The following KLB variants were observed in gnomAD, a reference collection of about 807,000 sequenced individuals.
KLB encodes the protein klotho beta.
In KLB, 44 loss-of-function variants were observed where a neutral mutation model predicts 88.4. That is an observed-to-expected ratio of 0.50 (90% CI 0.39 to 0.64). The LOEUF (loss-of-function observed/expected upper bound fraction) is 0.64, where lower values mean the gene tolerates loss of function less well. KLB is among the 30% of genes least tolerant of loss of function. KLB has a pLI of 0.00. For synonymous variants in KLB, 548 were observed against 513.4 expected, an observed-to-expected ratio of 1.07 and a Z score of -0.91; for missense variants, 1,137 against 1,304.8, an observed-to-expected ratio of 0.87 and a Z score of 1.98.
Position 39,437,890 on chromosome 4 carries a change from A to G in KLB, c.1500A>G (p.Lys500=). Residue 500 remains lysine, a synonymous_variant, in exon 3 of 5, where the codon AAA becomes AAG. Transcript: ENST00000257408. ...CTAAGTCTTCAGCACACTACTACAA[A>G]CAGATCATACGAGAAAATGGTTTTT... is the stretch of plus-strand genomic sequence containing the variant. ...RKPKSSAHYY[K]QIIRENGFSL... The G allele has an allele frequency of 1.5e-5, 24 of 1,614,166 alleles. No individual in the cohort carries two copies. The highest frequency in any genetic ancestry group is 1.9e-5 in the Non-Finnish European group (22 of 1,180,030).
chr4:39,443,389 GAAAAA>G (rs1743657417), intron 3 of KLB, among the ~76,000 whole-genome samples: 1 of 147,956 alleles, frequency 6.8e-6, no homozygotes, highest in African/African-American at 2.5e-5. Flanking sequence ...CCAAAAAAAA[GAAAAA>G]AGAAAAAAAA....
chr4:39,440,587 T>A (rs1451864402), intron 3 of KLB, among the ~76,000 whole-genome samples: 1 of 152,092 alleles, frequency 6.6e-6, no homozygotes, highest in African/African-American at 2.4e-5. Flanking sequence ...TATATTTATA[T>A]AGTTATTTAT....
Position 39,450,171 on chromosome 4 carries a change from G to C in KLB, c.*1485G>C, listed in dbSNP as rs1404427334. ...ACTTTGGGAAATGAACTCTGTTCTT[G>C]AGACTTGTTCAGTGTATTTTAAACA... On this transcript the variant is annotated 3_prime_UTR_variant, in exon 5 of 5. Coordinates refer to ENST00000257408, the MANE Select transcript of KLB (RefSeq NM_175737.4). 1 of 152,154 alleles carries C rather than the reference G, an allele frequency of 6.6e-6. No homozygotes were observed. Among genetic ancestry groups the C allele is most frequent in the Non-Finnish European group, 1.5e-5 (1 of 68,024 alleles). 9.4% of individuals were successfully genotyped at this position (152,154 alleles called of 1,614,324 possible). A position where few individuals can be genotyped will look rare whatever the true frequency, so the allele number is the denominator to read the frequency against.
At chr4:39,430,928 T>C (rs1300693664) in intron 1 of KLB, among the ~76,000 whole-genome samples, 79 of 149,622 alleles carry the variant, frequency 5.3e-4, no homozygotes, top group Middle Eastern at 3.5e-3. Context: ...TTTTTTTTTT[T>C]TCCCCTGAGT....
intron 3 of KLB, among the ~76,000 whole-genome samples, chr4:39,440,907 G>T (rs1297313909): frequency 6.6e-6 from 1 of 152,062 alleles, no homozygotes; most frequent in East Asian, 1.9e-4. Flanking sequence ...TTCCAGGCTG[G>T]AGTGCAGTGG....
intron 1 of KLB, among the ~76,000 whole-genome samples, chr4:39,418,839 T>C (rs1743016667): frequency 6.6e-6 from 1 of 151,298 alleles, no homozygotes; most frequent in South Asian, 2.1e-4. Context: ...TTCCAGCTAC[T>C]TGTGAGGCTG....
In KLB at chr4:39,447,177, G is replaced by T. The variant is rs1328858951; in HGVS notation, c.2451G>T (p.Thr817=). The change falls in exon 4 of 5, where the codon ACG becomes ACT. Residue 817 remains threonine, a synonymous_variant. Transcript: ENST00000257408. The part of the protein sequence containing the change: ...TEAERRLLKG[T]VDFCALNHFT... ...CCGAAAGGAGGCTGCTCAAGGGCAC[G>T]GTCGACTTCTGCGCGCTCAACCACT... 1 of 1,613,888 alleles carries T rather than the reference G, an allele frequency of 6.2e-7. No homozygotes were observed.
chr4:39,407,194 C>T lies in KLB; in HGVS notation c.245C>T (p.Pro82Leu). Residue 82 changes from proline (P) to leucine (L), a missense_variant, in exon 1 of 5, where the codon CCT becomes CTT. By Grantham distance (98) the Pro-to-Leu change is moderately conservative. Coordinates refer to ENST00000257408, the MANE Select transcript of KLB (RefSeq NM_175737.4). ...CAGCTGTTTCTCTATGACACTTTCC[C>T]TAAAAACTTTTTCTGGGGTATTGGG... ...ESQLFLYDTF[P>L]KNFFWGIGTG... is the part of the protein sequence containing the mutation. 6.2e-7 allele frequency: 1 copy of T among 1,614,098 alleles called. No homozygotes were observed. The highest frequency in any genetic ancestry group is 8.5e-7 in the Non-Finnish European group (1 of 1,179,996).
Position 39,448,886 on chromosome 4 carries a change from A to T in KLB, c.*200A>T, listed in dbSNP as rs1452386313. The T allele has an allele frequency of 1.8e-6, 1 of 553,172 alleles. No individual in the cohort carries two copies. Among genetic ancestry groups the T allele is most frequent in the African/African-American group, 1.9e-5 (1 of 53,358 alleles). The allele number at this position is 553,172 out of a possible 1,614,324, so 34.3% of individuals were successfully genotyped here. A position where few individuals can be genotyped will look rare whatever the true frequency, so the allele number is the denominator to read the frequency against. ...CAGTGAACTCAGTTCTTGGATGTAA[A>T]CATAAAGGCTTCATCCTGACAGTAA... On this transcript the variant is annotated 3_prime_UTR_variant, in exon 5 of 5. Transcript: ENST00000257408.
intron 1 of KLB, among the ~76,000 whole-genome samples, chr4:39,418,439 A>G (rs1743010008): frequency 6.6e-6 from 1 of 151,856 alleles, no homozygotes; most frequent in Non-Finnish European, 1.5e-5. Context: ...GGGTTTCGCC[A>G]TGTTGGCCAG....
chr4:39,410,772 G>C (rs1742821426), intron 1 of KLB, among the ~76,000 whole-genome samples: 1 of 152,150 alleles, frequency 6.6e-6, no homozygotes, highest in Admixed American at 6.5e-5. Context: ...TTCTGGGGGG[G>C]TATGGACCCC....
intron 1 of KLB, among the ~76,000 whole-genome samples, chr4:39,429,158 C>T (rs1743283834): frequency 6.6e-6 from 1 of 152,202 alleles, no homozygotes; most frequent in African/African-American, 2.4e-5. Context: ...AAACAACAGA[C>T]ACTTTTATAG....
chr4:39,427,482 CAAAA>C (rs35351344), intron 1 of KLB, among the ~76,000 whole-genome samples: 10 of 117,930 alleles, frequency 8.5e-5, no homozygotes, highest in Admixed American at 2.6e-4. Context: ...GACTCTGTCT[CAAAA>C]AAAAAAAAAA....
At chr4:39,424,817 T>C (rs182660863) in intron 1 of KLB, among the ~76,000 whole-genome samples, 5 of 151,858 alleles carry the variant, frequency 3.3e-5, no homozygotes, top group African/African-American at 1.2e-4. Flanking sequence ...TTAATAGAGA[T>C]GGGGTTTCAC....
At chr4:39,429,487 T>C (rs984614654) in intron 1 of KLB, among the ~76,000 whole-genome samples, 1 of 152,206 alleles carries the variant, frequency 6.6e-6, no homozygotes, top group Non-Finnish European at 1.5e-5. Flanking sequence ...GAATGAGATA[T>C]TAGGTCCTGG....
At chr4:39,444,149 C>T (rs1743682810) in intron 3 of KLB, among the ~76,000 whole-genome samples, 1 of 152,174 alleles carries the variant, frequency 6.6e-6, no homozygotes. Flanking sequence ...AAGAACAAAA[C>T]TCCGTCTCAA....
chr4:39,421,432 G>C (rs1303390245), intron 1 of KLB, among the ~76,000 whole-genome samples: 5 of 152,158 alleles, frequency 3.3e-5, no homozygotes, highest in Non-Finnish European at 7.3e-5. Flanking sequence ...CCCAGGTGGT[G>C]AAGTGGGATG....
At chr4:39,420,284 G>C (rs976520046) in intron 1 of KLB, among the ~76,000 whole-genome samples, 2 of 152,112 alleles carry the variant, frequency 1.3e-5, no homozygotes, top group Non-Finnish European at 2.9e-5. Flanking sequence ...AGGGTCTACT[G>C]TTATGAGTTT....
chr4:39,450,929 CTCTT>C lies in KLB; in HGVS notation c.*2247_*2250del, dbSNP rs1316006478. 1 of 151,058 alleles carries C rather than the reference CTCTT, an allele frequency of 6.6e-6. No individual in the cohort carries two copies. The highest frequency in any genetic ancestry group is 2.4e-5 in the African/African-American group (1 of 41,152). The allele number at this position is 151,058 out of a possible 1,614,324, so 9.4% of individuals were successfully genotyped here. A position where few individuals can be genotyped will look rare whatever the true frequency, so the allele number is the denominator to read the frequency against. On this transcript the variant is annotated 3_prime_UTR_variant, in exon 5 of 5. Coordinates refer to ENST00000257408, the MANE Select transcript of KLB (RefSeq NM_175737.4). ...GAATTTATCTTTCAGGTTTTGCTTTCTCTTTCTCACTTTGTTTAAAGTATCTCGT... is the reference window on the plus strand; with the variant it reads ...GAATTTATCTTTCAGGTTTTGCTTTCTCTCACTTTGTTTAAAGTATCTCGT...
Sources: gnomAD v4.1 joint callset for allele counts (sites outside exome capture counted in the v4.1 genomes callset) on GRCh38, gnomAD v4.1.1 for gene constraint, MANE v1.5 for transcripts, NCBI Gene and HGNC (gene_info 2026-07-23, HGNC 2026-07-21) for gene names.